GPC5: variants seen among roughly 807,000 people sequenced by gnomAD.
The protein encoded by GPC5 is glypican 5.
GPC5 carries 47 observed loss-of-function variants against 53.9 expected under a neutral mutation model. That is an observed-to-expected ratio of 0.87 (90% CI 0.69 to 1.11). The LOEUF (loss-of-function observed/expected upper bound fraction) is 1.11, where lower values mean the gene tolerates loss of function less well. Among genes scored for constraint, GPC5 ranks in the 50% most tolerant of loss-of-function variants. GPC5 has a pLI of 0.00. For synonymous variants in GPC5, 286 were observed against 263.3 expected, an observed-to-expected ratio of 1.09 and a Z score of -0.84; for missense variants, 748 against 713.1, an observed-to-expected ratio of 1.05 and a Z score of -0.56.
chr13:92,651,345 T>C (rs965686587), intron 7 of GPC5, among the ~76,000 whole-genome samples: 2 of 152,102 alleles, frequency 1.3e-5, no homozygotes, highest in Admixed American at 6.6e-5. Flanking sequence ...GTTGATAATA[T>C]GTCATTGAAA....
chr13:91,917,168 G>A (rs909427002), intron 6 of GPC5, among the ~76,000 whole-genome samples: 10 of 152,158 alleles, frequency 6.6e-5, no homozygotes, highest in African/African-American at 2.4e-4. Context: ...GGGGGTACAG[G>A]CATTGGGTAA....
chr13:92,313,142 ATG>A (rs2043156683), intron 7 of GPC5, among the ~76,000 whole-genome samples: 2 of 152,194 alleles, frequency 1.3e-5, no homozygotes, highest in Non-Finnish European at 2.9e-5. Context: ...ATAATTCCAA[ATG>A]TTTTATGGCC....
chr13:91,460,543 C>A (rs1881867007), intron 2 of GPC5, among the ~76,000 whole-genome samples: 1 of 152,050 alleles, frequency 6.6e-6, no homozygotes, highest in African/African-American at 2.4e-5. Context: ...CTCAAGTGAT[C>A]CACCCACCTC....
intron 7 of GPC5, among the ~76,000 whole-genome samples, chr13:92,484,370 A>C (rs1594240938): frequency 6.6e-6 from 1 of 152,330 alleles, no homozygotes; most frequent in Non-Finnish European, 1.5e-5. Context: ...ACTCTAAAAT[A>C]ACTATAAAAA....
rs1020537741 is a variant in GPC5 at position 91,919,730 on chromosome 13, GA to G, written c.1401+11683del. On this transcript the variant is annotated intron_variant, in intron 6 of 7. Transcript: ENST00000377067. ...CTTTCTCCCTTGCAGTCTTTCTGGG[GA>G]AAAAAAAAATGTACCAGGAAGGCTC... Among the ~76,000 whole-genome samples, 667 of 148,448 alleles carry G rather than the reference GA, an allele frequency of 4.5e-3. 8 individuals carry two copies. Among genetic ancestry groups the G allele is most frequent in the African/African-American group, 0.014 (565 of 40,528 alleles).
At chr13:91,675,057 A>T (rs1358223136) in intron 2 of GPC5, among the ~76,000 whole-genome samples, 1 of 151,768 alleles carries the variant, frequency 6.6e-6, no homozygotes, top group Non-Finnish European at 1.5e-5. Context: ...TGCTTTTCAG[A>T]TGTTTCCTAA....
intron 2 of GPC5, among the ~76,000 whole-genome samples, chr13:91,484,798 T>C (rs913269897): frequency 2.0e-5 from 3 of 152,218 alleles, no homozygotes; most frequent in East Asian, 3.8e-4. Context: ...TGGAAAACAG[T>C]GTACCCTAAT....
intron 7 of GPC5, among the ~76,000 whole-genome samples, chr13:92,498,705 A>T (rs1255952753): frequency 6.6e-6 from 1 of 152,132 alleles, no homozygotes; most frequent in East Asian, 1.9e-4. Context: ...CACCTTTTAC[A>T]GTTAGACAAT....
chr13:92,834,168 G>A (rs1375648649), intron 7 of GPC5, among the ~76,000 whole-genome samples: 1 of 152,072 alleles, frequency 6.6e-6, no homozygotes, highest in Non-Finnish European at 1.5e-5. Context: ...TTCACTTCCT[G>A]GCAGCTAATA....
chr13:92,448,197 T>C (rs543298219), intron 7 of GPC5: 1 of 152,258 alleles, frequency 6.6e-6, no homozygotes, highest in East Asian at 1.9e-4. Flanking sequence ...AAAAAGTGAA[T>C]ATATACTAAT....
At chr13:92,732,839 A>G (rs573530982) in intron 7 of GPC5, among the ~76,000 whole-genome samples, 2 of 151,752 alleles carry the variant, frequency 1.3e-5, no homozygotes, top group South Asian at 4.1e-4. Context: ...GCTCCTTTGA[A>G]GCTGTCTGCC....
chr13:91,590,363 A>G (rs1254057920), intron 2 of GPC5, among the ~76,000 whole-genome samples: 1 of 152,002 alleles, frequency 6.6e-6, no homozygotes, highest in East Asian at 1.9e-4. Flanking sequence ...ATAACATTCG[A>G]TTTTCTTCAC....
rs572275255 is a variant in GPC5 at position 92,103,414 on chromosome 13, T to TA, written c.1402-41416_1402-41415insA. On this transcript the variant is annotated intron_variant, in intron 6 of 7. Transcript: ENST00000377067. ...ATAACTCCATAGAAGCATATATACA[T>TA]GGTATTCTAAATATTTATCTCACTT... is the stretch of plus-strand genomic sequence containing the variant. 3.9e-5 allele frequency among the ~76,000 whole-genome samples: 6 copies of TA among 152,296 alleles called. No individual in the cohort carries two copies. The South Asian group carries it at 1.2e-3, about 32-fold the overall frequency.
chr13:92,270,060 G>A (rs897748253), intron 7 of GPC5, among the ~76,000 whole-genome samples: 1 of 152,170 alleles, frequency 6.6e-6, no homozygotes, highest in African/African-American at 2.4e-5. Context: ...GGGTAAGGAG[G>A]GTGGTGGGGA....
intron 7 of GPC5, among the ~76,000 whole-genome samples, chr13:92,404,596 T>C (rs1382237896): frequency 1.5e-5 from 2 of 133,474 alleles, no homozygotes; most frequent in Admixed American, 7.8e-5. Flanking sequence ...GAACAAATAT[T>C]CGGTTAATAA....
intron 2 of GPC5, among the ~76,000 whole-genome samples, chr13:91,687,694 C>T (rs2035652540): frequency 6.6e-6 from 1 of 151,960 alleles, no homozygotes; most frequent in Non-Finnish European, 1.5e-5. Flanking sequence ...ATTCTGATAT[C>T]ACTGGAAAGA....
intron 5 of GPC5, among the ~76,000 whole-genome samples, chr13:91,757,051 T>C (rs1325857602): frequency 2.0e-5 from 3 of 152,088 alleles, no homozygotes; most frequent in Non-Finnish European, 4.4e-5. Context: ...TTTTCCTGCC[T>C]ATCTAGAATT....
At chr13:91,937,618 G>T (rs1209526174) in intron 6 of GPC5, among the ~76,000 whole-genome samples, 4 of 152,060 alleles carry the variant, frequency 2.6e-5, no homozygotes, top group Non-Finnish European at 4.4e-5. Flanking sequence ...CAAAAATATA[G>T]TTGGGCTTGT....
chr13:92,530,430 G>C (rs1489141517), intron 7 of GPC5, among the ~76,000 whole-genome samples: 1 of 151,858 alleles, frequency 6.6e-6, no homozygotes, highest in East Asian at 1.9e-4. Context: ...AGCCAGTGGA[G>C]GCAAGAAAAA....
Sources: allele counts gnomAD v4.1 joint callset (sites outside exome capture counted in the v4.1 genomes callset), GRCh38; gene constraint gnomAD v4.1.1; transcripts MANE v1.5; gene names NCBI Gene and HGNC (gene_info 2026-07-23, HGNC 2026-07-21).